MYO1F: variants seen among roughly 807,000 people sequenced by gnomAD.
MYO1F encodes the protein myosin IF, also known as unconventional myosin-If.
In MYO1F, 60 loss-of-function variants were observed where a neutral mutation model predicts 146.6. The observed-to-expected ratio is 0.41, with a 90% CI of 0.33 to 0.51. MYO1F has a LOEUF of 0.51. Among genes scored for constraint, MYO1F ranks in the 20% least tolerant of loss-of-function variants. The pLI is 0.25. For missense variants in MYO1F, 1,274 were observed against 1,534.3 expected (o/e 0.83, Z 2.83); for synonymous variants, 602 against 602.1 (o/e 1.00, Z 0.00).
chr19:8,521,551 C>A lies in MYO1F; in HGVS notation c.3274G>T (p.Gly1092Ter). 2 of 1,614,192 alleles carry A rather than the reference C, an allele frequency of 1.2e-6. No individual in the cohort carries two copies. Among genetic ancestry groups the A allele is most frequent in the Non-Finnish European group, 1.7e-6 (2 of 1,180,026 alleles). The change falls in exon 28 of 28, where the codon GGA (glycine) becomes TGA (stop). Residue 1092 changes from glycine to a stop codon, truncating the protein, a stop_gained. Transcript: ENST00000644032. LOFTEE classifies it high-confidence loss of function. ...GCTCAGATCTTCTCCACGTAGTTTCCTGGGAAAAGGCCCTCCTGGCCGTGA... is the reference window on the plus strand; with the variant it reads ...GCTCAGATCTTCTCCACGTAGTTTCATGGGAAAAGGCCCTCCTGGCCGTGA... Reference protein sequence around the residue: ...RLHGQEGLFPGNYVEKI With the variant: ...RLHGQEGLFP
rs375030150 is a variant in MYO1F, at chr19:8,544,381, C to T, written c.1440G>A (p.Leu480=). The T allele has an allele frequency of 1.2e-5, 20 of 1,613,064 alleles. No homozygotes were observed. Among genetic ancestry groups the T allele is most frequent in the Non-Finnish European group, 1.7e-5 (20 of 1,179,870 alleles). ...TCCCCACAGCCGCCTGCAGCTTCTG[C>T]AGCAGTGTCTGGTCTGCTCCCCCGC... ...ATGGGADQTL[L]QKLQAAVGTH... Residue 480 remains leucine, a synonymous_variant, in exon 14 of 28, where the codon CTG becomes CTA. Transcript: ENST00000644032.
chr19:8,564,834 A>G (rs1440520402), intron 1 of MYO1F, among the ~76,000 whole-genome samples: 1 of 151,490 alleles, frequency 6.6e-6, no homozygotes, highest in Non-Finnish European at 1.5e-5. Context: ...GTGCAGTGGT[A>G]TGATTTCGGC....
chr19:8,556,650 G>A (rs573549383), intron 1 of MYO1F, among the ~76,000 whole-genome samples: 2 of 152,086 alleles, frequency 1.3e-5, no homozygotes, highest in East Asian at 3.9e-4. Context: ...CACTTTGGGA[G>A]GCCAAGACGG....
At position 8,530,614 on chromosome 19, in the gene MYO1F, C is replaced by G. The variant is rs1404706147; in HGVS notation, c.2044-41G>C. ...GGGGGGCAAGGGTGAGTCCTGGTGTCTCCCCAGGGGCTGCAGTTCCGGGTT... is the reference window on the plus strand; with the variant it reads ...GGGGGGCAAGGGTGAGTCCTGGTGTGTCCCCAGGGGCTGCAGTTCCGGGTT... On this transcript the variant is annotated intron_variant, in intron 19 of 27. Transcript: ENST00000644032. This position sits in a 1 kb window ranked among gnomAD's most constrained non-coding sequence, Gnocchi z 5.8. 6.7e-7 allele frequency: 1 copy of G among 1,492,218 alleles called. No homozygotes were observed. The highest frequency in any genetic ancestry group is 1.4e-5 in the African/African-American group (1 of 72,590). The allele number at this position is 1,492,218 out of a possible 1,614,324, so 92.4% of individuals were successfully genotyped here.
rs1972056971 is a variant in MYO1F, at chr19:8,521,455, C to T, written c.*73G>A. 2 of 1,507,616 alleles carry T rather than the reference C, an allele frequency of 1.3e-6. No homozygotes were observed. Among genetic ancestry groups the T allele is most frequent in the Non-Finnish European group, 1.8e-6 (2 of 1,088,896 alleles). The allele number at this position is 1,507,616 out of a possible 1,614,324, so 93.4% of individuals were successfully genotyped here. On this transcript the variant is annotated 3_prime_UTR_variant, in exon 28 of 28. Transcript: ENST00000644032. ...CCCAGGTAAACGAGGCTCTCATTGG[C>T]AGGGCCTGGCTCCCCACCAGGCCGG...
Position 8,555,863 on chromosome 19 carries a change from T to G in MYO1F, c.4-67A>C, listed in dbSNP as rs2145930116. On this transcript the variant is annotated intron_variant, in intron 1 of 27. Coordinates refer to ENST00000644032, the MANE Select transcript of MYO1F (RefSeq NM_012335.4). Reference sequence around the variant, plus strand: ...GATGCGGCACCTGGCTCACCGACGCTATCAGCTTCTGGGTTCTGTCCCACC... The same window carrying G: ...GATGCGGCACCTGGCTCACCGACGCGATCAGCTTCTGGGTTCTGTCCCACC... 13 of 1,496,068 alleles carry G rather than the reference T, an allele frequency of 8.7e-6. No individual in the cohort carries two copies. In the South Asian group the frequency reaches 1.6e-4, roughly 18 times the overall value. The allele number at this position is 1,496,068 out of a possible 1,614,324, so 92.7% of individuals were successfully genotyped here. A position where few individuals can be genotyped will look rare whatever the true frequency, so the allele number is the denominator to read the frequency against.
intron 16 of MYO1F, among the ~76,000 whole-genome samples, chr19:8,538,647 G>T: frequency 6.7e-6 from 1 of 149,458 alleles, no homozygotes; most frequent in Non-Finnish European, 1.5e-5. Flanking sequence ...AAGTGCCAGG[G>T]TGCAATCATG....
At chr19:8,560,876 C>T (rs1228782960) in intron 1 of MYO1F, among the ~76,000 whole-genome samples, 7 of 152,004 alleles carry the variant, frequency 4.6e-5, no homozygotes, top group Admixed American at 2.0e-4. Flanking sequence ...GTAGCTGGGA[C>T]TACAGGCGCC....
At position 8,532,903 on chromosome 19, in the gene MYO1F, T is replaced by TACACACAC. The variant is rs60799506; in HGVS notation, c.2044-2338_2044-2331dup. Among the ~76,000 whole-genome samples, 455 of 113,136 alleles carry TACACACAC rather than the reference T, an allele frequency of 4.0e-3. 3 individuals carry two copies. Among genetic ancestry groups the TACACACAC allele is most frequent in the Non-Finnish European group, 5.1e-3 (284 of 56,214 alleles). The allele number at this position is 113,136 out of a possible 152,430, so 74.2% of individuals were successfully genotyped here. A position where few individuals can be genotyped will look rare whatever the true frequency, so the allele number is the denominator to read the frequency against. ...ATCCTGTCTCAGAAAAAAAAAAAAA[T>TACACACAC]ACACACACACACACACACACACACA... is the stretch of plus-strand genomic sequence containing the variant. On this transcript the variant is annotated intron_variant, in intron 19 of 27. Coordinates refer to ENST00000644032, the MANE Select transcript of MYO1F (RefSeq NM_012335.4).
intron 5 of MYO1F, 22 bp from the exon 6 acceptor site, chr19:8,553,250 T>C (rs780044331): frequency 6.2e-7 from 1 of 1,613,368 alleles, no homozygotes; most frequent in Admixed American, 1.7e-5. Context: ...GCAGGTGGAG[T>C]GGGAAGAAGT....
chr19:8,542,118 A>T, intron 14 of MYO1F, 127 bp from the exon 15 acceptor site: 1 of 676,098 alleles, frequency 1.5e-6, no homozygotes, highest in Non-Finnish European at 2.7e-6. Flanking sequence ...AGGATCAGGC[A>T]GTGTCTACAG....
Position 8,554,515 on chromosome 19 carries a change from G to A in MYO1F, c.288C>T (p.Asn96=), listed in dbSNP as rs777144094. The change falls in exon 4 of 28, where the codon AAC becomes AAT. Residue 96 remains asparagine, a synonymous_variant. Coordinates refer to ENST00000644032, the MANE Select transcript of MYO1F (RefSeq NM_012335.4). ...IYALTDNMYR[N]MLIDCENQCV... ...ACTGGTTCTCACAGTCGATAAGCATGTTCCGGTACATGTTGTCCGTGAGGG... is the reference window on the plus strand; with the variant it reads ...ACTGGTTCTCACAGTCGATAAGCATATTCCGGTACATGTTGTCCGTGAGGG... The A allele has an allele frequency of 1.2e-6, 2 of 1,613,472 alleles. No homozygotes were observed. Among genetic ancestry groups the A allele is most frequent in the East Asian group, 2.2e-5 (1 of 44,854 alleles).
chr19:8,571,691 G>C (rs920359535), intron 1 of MYO1F, among the ~76,000 whole-genome samples: 4 of 151,988 alleles, frequency 2.6e-5, no homozygotes, highest in Non-Finnish European at 5.9e-5. Flanking sequence ...TCTGCCTCCC[G>C]AGTTCACGCC....
Position 8,522,083 on chromosome 19 carries a change from C to T in MYO1F, c.3220+294G>A, listed in dbSNP as rs527503546. 1.5e-4 allele frequency among the ~76,000 whole-genome samples: 22 copies of T among 148,980 alleles called. No homozygotes were observed. The East Asian group carries it at 3.4e-3, about 23-fold the overall frequency. ...TATCGCCCAGGCTGGAGTGTGTTGG[C>T]GCAATCTCGGCTCACTGCAAGCTCC... On this transcript the variant is annotated intron_variant, in intron 27 of 27. Transcript: ENST00000644032.
intron 1 of MYO1F, among the ~76,000 whole-genome samples, chr19:8,565,053 A>G (rs1258866261): frequency 3.3e-5 from 5 of 151,700 alleles, no homozygotes; most frequent in Non-Finnish European, 7.4e-5. Context: ...GATTACAGGC[A>G]TGAGCCACTG....
At chr19:8,547,052 C>G (rs1308437927) in intron 12 of MYO1F, among the ~76,000 whole-genome samples, 2 of 152,016 alleles carry the variant, frequency 1.3e-5, no homozygotes, top group Admixed American at 1.3e-4. Context: ...AGTCCCAGCA[C>G]TTTGGCAGGC....
rs2041945430 is a variant in MYO1F at position 8,563,516 on chromosome 19, T to TTTC, written c.4-7721_4-7720insGAA. 5.0e-4 allele frequency among the ~76,000 whole-genome samples: 10 copies of TTTC among 20,064 alleles called. No individual in the cohort carries two copies. The South Asian group carries it at 0.02, about 40-fold the overall frequency. The allele number at this position is 20,064 out of a possible 152,430, so 13.2% of individuals were successfully genotyped here. A position where few individuals can be genotyped will look rare whatever the true frequency, so the allele number is the denominator to read the frequency against. On this transcript the variant is annotated intron_variant, in intron 1 of 27. Coordinates refer to ENST00000644032, the MANE Select transcript of MYO1F (RefSeq NM_012335.4). ...ATTTTTCTTTTTCTTTCTTTCTTTC[T>TTTC]TTTTTTTTTGAGATGGAGTGTCTCT...
Position 8,544,372 on chromosome 19 carries a change from C to T in MYO1F, c.1449G>A (p.Leu483=). ...GGADQTLLQK[L]QAAVGTHEHF... ...GCTCGTGGGTCCCCACAGCCGCCTG[C>T]AGCTTCTGCAGCAGTGTCTGGTCTG... is the stretch of plus-strand genomic sequence containing the variant. Residue 483 remains leucine, a synonymous_variant, in exon 14 of 28, where the codon CTG becomes CTA. Coordinates refer to ENST00000644032, the MANE Select transcript of MYO1F (RefSeq NM_012335.4). The T allele has an allele frequency of 2.5e-6, 4 of 1,613,188 alleles. No homozygotes were observed.
chr19:8,522,239 G>A (rs962350328), intron 27 of MYO1F, 138 bp downstream of exon 27: 8 of 1,068,226 alleles, frequency 7.5e-6, no homozygotes, highest in Non-Finnish European at 1.1e-5. Context: ...AGCCAGGATG[G>A]TCTCGATCTC....
Sources: gnomAD v4.1 joint callset for allele counts (sites outside exome capture counted in the v4.1 genomes callset) on GRCh38, gnomAD v4.1.1 for gene constraint, Gnocchi (gnomAD v3.1) non-coding constraint, MANE v1.5 for transcripts, NCBI Gene and HGNC (gene_info 2026-07-23, HGNC 2026-07-21) for gene names.